Variants in TMEM268 observed in about 807,000 individuals in gnomAD.
TMEM268 encodes transmembrane protein C9orf91.
TMEM268 carries 24 observed loss-of-function variants against 39.1 expected under a neutral mutation model. The observed-to-expected ratio is 0.61, with a 90% CI of 0.44 to 0.86. The LOEUF is 0.86. TMEM268 is among the 40% of genes least tolerant of loss of function. TMEM268 has a pLI of 0.00. For missense variants in TMEM268, 409 were observed against 428.6 expected, an observed-to-expected ratio of 0.95 and a Z score of 0.40; for synonymous variants, 176 against 173.5, an observed-to-expected ratio of 1.01 and a Z score of -0.12.
intron 2 of TMEM268, chr9:114,622,454 A>G: frequency 4.1e-6 from 4 of 985,282 alleles, no homozygotes; most frequent in Non-Finnish European, 4.8e-6. Flanking sequence ...TGGTGCAAGG[A>G]GATCTCGATC....
At chr9:114,625,277 T>G (rs895897894) in intron 3 of TMEM268, among the ~76,000 whole-genome samples, 3 of 152,170 alleles carry the variant, frequency 2.0e-5, no homozygotes, top group African/African-American at 4.8e-5. Flanking sequence ...TAGCTATTAT[T>G]GTTATGAAGT....
rs56302526 is a variant in TMEM268, at chr9:114,621,542, T to C, written c.107-2808T>C. Among the ~76,000 whole-genome samples, 648 of 152,276 alleles carry C rather than the reference T, an allele frequency of 4.3e-3. 7 individuals are homozygous for C. The highest frequency in any genetic ancestry group is 0.015 in the African/African-American group (616 of 41,540). On this transcript the variant is annotated intron_variant, in intron 2 of 8. Coordinates refer to ENST00000288502, the MANE Select transcript of TMEM268 (RefSeq NM_153045.4). ...ATGCATATGTAATCAAATAATTGCA[T>C]ACATAGGTATTTAGCTTGGGCGAGT... is the stretch of plus-strand genomic sequence containing the variant.
chr9:114,611,850 C>G (rs1369794724), intron 1 of TMEM268, among the ~76,000 whole-genome samples: 2 of 152,162 alleles, frequency 1.3e-5, no homozygotes, highest in Non-Finnish European at 2.9e-5. Context: ...CATCCTCAGC[C>G]GACCTGGACA....
At position 114,645,358 on chromosome 9, in the gene TMEM268, C is replaced by T. The variant is rs540128360; in HGVS notation, c.*2045C>T. The T allele has an allele frequency of 8.8e-4, 134 of 152,434 alleles. No homozygotes were observed. The highest frequency in any genetic ancestry group is 3.4e-3 in the Middle Eastern group (1 of 294). 9.4% of individuals were successfully genotyped at this position (152,434 alleles called of 1,614,324 possible). Reference sequence around the variant, plus strand: ...CACTTAACCTTTCTGATTGTCATTTCGCTTTTTAATAAAGTGGGTCTGGTG... The same window carrying T: ...CACTTAACCTTTCTGATTGTCATTTTGCTTTTTAATAAAGTGGGTCTGGTG... On this transcript the variant is annotated 3_prime_UTR_variant, in exon 9 of 9. Transcript: ENST00000288502.
rs1380749474 is a variant in TMEM268, at chr9:114,626,921, G to C, written c.239G>C (p.Ser80Thr). Residue 80 changes from serine (S) to threonine (T), a missense_variant, in exon 4 of 9, where the codon AGC (serine) becomes ACC (threonine). Physicochemically the swap from Ser to Thr is moderately conservative, Grantham distance 58. Coordinates refer to ENST00000288502, the MANE Select transcript of TMEM268 (RefSeq NM_153045.4). ...CAGGTCCCGGCTGACCAGTACAGGA[G>C]CTTGGCTGAGAGTGCCCTCTTGGAG... ...GIQVPADQYR[S>T]LAESALLEPQ... 1 of 1,613,732 alleles carries C rather than the reference G, an allele frequency of 6.2e-7. No individual in the cohort carries two copies. Among genetic ancestry groups the C allele is most frequent in the Non-Finnish European group, 8.5e-7 (1 of 1,179,640 alleles).
intron 2 of TMEM268, chr9:114,624,010 C>G: frequency 4.7e-6 from 1 of 211,346 alleles, no homozygotes. Context: ...GTTTTTCAGT[C>G]TCTGTTTAAA....
intron 2 of TMEM268, among the ~76,000 whole-genome samples, chr9:114,617,878 TA>T (rs200650120): frequency 0.019 from 2,757 of 147,392 alleles, 36 homozygotes; most frequent in African/African-American, 0.037. Context: ...TTTAATTTTT[TA>T]TTTTTTTTAT....
intron 6 of TMEM268, among the ~76,000 whole-genome samples, chr9:114,636,045 G>A (rs573143432): frequency 4.6e-5 from 7 of 152,362 alleles, no homozygotes; most frequent in African/African-American, 1.7e-4. Flanking sequence ...GTCAGTGGGA[G>A]GAAGGAGGTC....
At position 114,644,321 on chromosome 9, in the gene TMEM268, A is replaced by G. The variant is rs1058278; in HGVS notation, c.*1008A>G. 26,738 of 152,330 alleles carry G rather than the reference A, an allele frequency of 0.18. 2,504 individuals carry two copies. The highest frequency in any genetic ancestry group is 0.28 in the South Asian group (1,352 of 4,822). The allele number at this position is 152,330 out of a possible 1,614,324, so 9.4% of individuals were successfully genotyped here. On this transcript the variant is annotated 3_prime_UTR_variant, in exon 9 of 9. Transcript: ENST00000288502. The stretch of plus-strand genomic sequence containing the variant: ...TTTATGAGTTCACGCTCTTTCCTGG[A>G]CTGACATACCTATTCCTTTCCATTT...
chr9:114,626,060 C>T (rs968201209), intron 3 of TMEM268, among the ~76,000 whole-genome samples: 6 of 151,376 alleles, frequency 4.0e-5, no homozygotes, highest in African/African-American at 1.2e-4. Context: ...CTCCTGATCT[C>T]GTGATCCGCC....
chr9:114,637,766 G>A (rs1016966931), intron 7 of TMEM268, among the ~76,000 whole-genome samples: 4 of 152,116 alleles, frequency 2.6e-5, no homozygotes, highest in Admixed American at 6.6e-5. Flanking sequence ...ACCTGTTACC[G>A]GCCTGTGGTC....
the TMEM268 span, among the ~76,000 whole-genome samples, chr9:114,605,611 C>CT: frequency 4.6e-5 from 7 of 152,090 alleles, no homozygotes; most frequent in African/African-American, 1.4e-4. Flanking sequence ...AGGCAGCCTC[C>CT]TTTTTTTCCT....
At chr9:114,618,751 G>C (rs1175891890) in intron 2 of TMEM268, among the ~76,000 whole-genome samples, 1 of 152,106 alleles carries the variant, frequency 6.6e-6, no homozygotes, top group African/African-American at 2.4e-5. Context: ...TGGTGGCTCA[G>C]CCTAAGTCAG....
In TMEM268 at chr9:114,645,180, C is replaced by T. The variant is rs1411678790; in HGVS notation, c.*1867C>T. On this transcript the variant is annotated 3_prime_UTR_variant, in exon 9 of 9. Coordinates refer to ENST00000288502, the MANE Select transcript of TMEM268 (RefSeq NM_153045.4). Reference sequence around the variant, plus strand: ...TGCCCCCTCATAGCCCTTGGCCTATCTATCTTTATCCACATGCAGAAACAT... The same window carrying T: ...TGCCCCCTCATAGCCCTTGGCCTATTTATCTTTATCCACATGCAGAAACAT... 6.6e-6 allele frequency: 1 copy of T among 152,394 alleles called. No individual in the cohort carries two copies. Among genetic ancestry groups the T allele is most frequent in the African/African-American group, 2.4e-5 (1 of 41,440 alleles). 9.4% of individuals were successfully genotyped at this position (152,394 alleles called of 1,614,324 possible).
intron 7 of TMEM268, among the ~76,000 whole-genome samples, chr9:114,637,454 G>A (rs1427362016): frequency 6.6e-6 from 1 of 151,816 alleles, no homozygotes; most frequent in African/African-American, 2.4e-5. Flanking sequence ...CATCACACCT[G>A]GCTAATTTGT....
chr9:114,612,126 G>GT (rs1257061408), intron 1 of TMEM268, among the ~76,000 whole-genome samples: 2 of 152,152 alleles, frequency 1.3e-5, no homozygotes, highest in African/African-American at 2.4e-5. Context: ...CTCGTGTTGT[G>GT]TTTTTCACAA....
intron 2 of TMEM268, among the ~76,000 whole-genome samples, chr9:114,621,440 A>G (rs1261457099): frequency 6.6e-6 from 1 of 152,212 alleles, no homozygotes; most frequent in Non-Finnish European, 1.5e-5. Context: ...GTATCAGATC[A>G]GGGGATTCAG....
At chr9:114,612,264 T>A (rs1845531067) in intron 1 of TMEM268, among the ~76,000 whole-genome samples, 1 of 152,220 alleles carries the variant, frequency 6.6e-6, no homozygotes, top group African/African-American at 2.4e-5. Flanking sequence ...TATGTTCCTT[T>A]GCAGATGCTC....
rs1827446018 is a variant in TMEM268, at chr9:114,643,500, G to A, written c.*187G>A. 1.7e-6 allele frequency: 1 copy of A among 595,084 alleles called. No individual in the cohort carries two copies. 36.9% of individuals were successfully genotyped at this position (595,084 alleles called of 1,614,324 possible). On this transcript the variant is annotated 3_prime_UTR_variant, in exon 9 of 9. Transcript: ENST00000288502. ...GGGCCCAGCACAAAAATCCTTGTTTGACATCTCATGCTGACCCCCTGGCCT... is the reference window on the plus strand; with the variant it reads ...GGGCCCAGCACAAAAATCCTTGTTTAACATCTCATGCTGACCCCCTGGCCT...
Sources: gnomAD v4.1 joint callset for allele counts (sites outside exome capture counted in the v4.1 genomes callset) on GRCh38, gnomAD v4.1.1 for gene constraint, MANE v1.5 for transcripts, NCBI Gene and HGNC (gene_info 2026-07-23, HGNC 2026-07-21) for gene names.